Variants in TMC2 observed in about 807,000 individuals in gnomAD.
TMC2 encodes transmembrane channel like 2.
Under a neutral mutation model 105.9 loss-of-function variants are expected in TMC2, and 102 were observed. That is an observed-to-expected ratio of 0.96 (90% CI 0.82 to 1.14). TMC2 has a LOEUF of 1.14. Ranked by LOEUF, TMC2 falls within the 50% of genes most tolerant of loss-of-function variation. The probability of loss-of-function intolerance (pLI) is 0.00; values close to 1 mark genes in which losing one functional copy is unlikely to be tolerated. For missense variants in TMC2, 1,093 were observed against 1,134.3 expected (o/e 0.96, Z 0.52); for synonymous variants, 402 against 422.8 (o/e 0.95, Z 0.60).
At chr20:2,556,361 G>T (rs1291511055) in intron 2 of TMC2, among the ~76,000 whole-genome samples, 1 of 152,220 alleles carries the variant, frequency 6.6e-6, no homozygotes, top group South Asian at 2.1e-4. Context: ...TTACAGGCGT[G>T]AGCCACCAGG....
intron 5 of TMC2, among the ~76,000 whole-genome samples, chr20:2,574,821 G>A (rs537835321): frequency 6.6e-6 from 1 of 152,106 alleles, no homozygotes; most frequent in Admixed American, 6.5e-5. Flanking sequence ...TGCCTCCCAG[G>A]TTCAAGCAAT....
rs770234969 is a variant in TMC2, at chr20:2,580,004, G to C, written c.782G>C (p.Gly261Ala). 6.2e-7 allele frequency: 1 copy of C among 1,613,996 alleles called. No homozygotes were observed. The highest frequency in any genetic ancestry group is 1.1e-5 in the South Asian group (1 of 91,066). ...TTCATCTTTCTCCGATGGATGTATG[G>C]AGTTAACCTTGTCCTTTTTGGCTTA... is the stretch of plus-strand genomic sequence containing the variant. ...SYFIFLRWMYGVNLVLFGLIF... is the reference protein window; with the variant it reads ...SYFIFLRWMYAVNLVLFGLIF... The change falls in exon 7 of 20, where the codon GGA becomes GCA. Residue 261 changes from glycine to alanine, a missense_variant. By Grantham distance (60) the Gly-to-Ala change is moderately conservative. Coordinates refer to ENST00000358864, the MANE Select transcript of TMC2 (RefSeq NM_080751.3).
At chr20:2,568,457 C>A (rs1207749558) in intron 4 of TMC2, among the ~76,000 whole-genome samples, 2 of 152,164 alleles carry the variant, frequency 1.3e-5, no homozygotes, top group Admixed American at 1.3e-4. Context: ...GTCCCCTGTT[C>A]TCTTGGGGGT....
chr20:2,606,098 T>C (rs1235350369), intron 11 of TMC2, among the ~76,000 whole-genome samples: 1 of 152,150 alleles, frequency 6.6e-6, no homozygotes, highest in African/African-American at 2.4e-5. Context: ...AAGTCAAAGG[T>C]TACCTGGTAT....
chr20:2,630,191 G>T (rs2086593758), intron 17 of TMC2, among the ~76,000 whole-genome samples: 1 of 152,176 alleles, frequency 6.6e-6, no homozygotes, highest in Non-Finnish European at 1.5e-5. Context: ...TCAAGGCTCA[G>T]GAAAAGGAGT....
At chr20:2,635,086 C>T (rs2086631860) in intron 17 of TMC2, among the ~76,000 whole-genome samples, 2 of 152,208 alleles carry the variant, frequency 1.3e-5, no homozygotes, top group Admixed American at 1.3e-4. Flanking sequence ...AGATAATAGG[C>T]TGGCAAAGCA....
At chr20:2,565,960 AC>A (rs1358192194) in intron 4 of TMC2, among the ~76,000 whole-genome samples, 2 of 152,090 alleles carry the variant, frequency 1.3e-5, no homozygotes, top group Admixed American at 1.3e-4. Context: ...AATTTTTTGA[AC>A]CAGGAAGTGG....
rs2085851876 is a variant in TMC2 at position 2,536,735 on chromosome 20, T to C, written c.34+80T>C. Reference sequence around the variant, plus strand: ...CAGGGGATGGGGGAAGCACATATGGTGTTCAGAGGCATAGGGAGGAGCTGG... The same window carrying C: ...CAGGGGATGGGGGAAGCACATATGGCGTTCAGAGGCATAGGGAGGAGCTGG... On this transcript the variant is annotated intron_variant, in intron 1 of 19. Coordinates refer to ENST00000358864, the MANE Select transcript of TMC2 (RefSeq NM_080751.3). 4 of 1,461,766 alleles carry C rather than the reference T, an allele frequency of 2.7e-6. No homozygotes were observed. The African/African-American group carries it at 4.2e-5, about 15-fold the overall frequency. 90.5% of individuals were successfully genotyped at this position (1,461,766 alleles called of 1,614,324 possible).
intron 2 of TMC2, among the ~76,000 whole-genome samples, chr20:2,557,080 C>T (rs147889158): frequency 6.6e-6 from 1 of 152,070 alleles, no homozygotes; most frequent in Non-Finnish European, 1.5e-5. Context: ...ATTTATCCTG[C>T]TTGATGTTCT....
At chr20:2,594,446 T>C (rs1340623305) in intron 8 of TMC2, among the ~76,000 whole-genome samples, 1 of 152,120 alleles carries the variant, frequency 6.6e-6, no homozygotes, top group Non-Finnish European at 1.5e-5. Context: ...CAGGTTGGTC[T>C]TGAACCCCTG....
chr20:2,552,650 G>A (rs1360293671), intron 2 of TMC2, among the ~76,000 whole-genome samples: 1 of 152,014 alleles, frequency 6.6e-6, no homozygotes, highest in African/African-American at 2.4e-5. Flanking sequence ...GACGTAGCTG[G>A]GAATACAGAC....
At chr20:2,569,996 G>A (rs1702794311) in intron 4 of TMC2, among the ~76,000 whole-genome samples, 1 of 152,120 alleles carries the variant, frequency 6.6e-6, no homozygotes, top group African/African-American at 2.4e-5. Context: ...AATAATAAAA[G>A]TTATCTATGA....
intron 16 of TMC2, among the ~76,000 whole-genome samples, chr20:2,618,863 GAGGTAACACCTGTA>G (rs546401284): frequency 4.6e-5 from 7 of 152,308 alleles, no homozygotes; most frequent in Admixed American, 2.6e-4. Context: ...ATCATGCAAT[GAGGTAACACCTGTA>G]AGCTAGTGTC....
At chr20:2,613,390 A>T in intron 14 of TMC2, 68 bp downstream of exon 14, 1 of 1,602,766 alleles carries the variant, frequency 6.2e-7, no homozygotes, top group Non-Finnish European at 8.5e-7. Flanking sequence ...ACTTATAGCC[A>T]GATGCATTCT....
intron 2 of TMC2, among the ~76,000 whole-genome samples, chr20:2,545,974 C>T (rs2122802021): frequency 6.6e-6 from 1 of 152,202 alleles, no homozygotes; most frequent in African/African-American, 2.4e-5. Context: ...TAATGTCTTA[C>T]TTGTAAGATC....
intron 2 of TMC2, among the ~76,000 whole-genome samples, chr20:2,550,694 A>G (rs1033977119): frequency 6.6e-6 from 1 of 152,162 alleles, no homozygotes; most frequent in Non-Finnish European, 1.5e-5. Context: ...CGCTGTCTCT[A>G]GAGTGTCTCT....
At chr20:2,543,082 C>CA (rs1176456975) in intron 2 of TMC2, among the ~76,000 whole-genome samples, 1 of 151,604 alleles carries the variant, frequency 6.6e-6, no homozygotes, top group African/African-American at 2.4e-5. Flanking sequence ...ACTAAAAATA[C>CA]AAAAATTAGT....
At position 2,643,252 on chromosome 20, in the gene TMC2, T is replaced by G. The variant is rs974407327; in HGVS notation, c.*1901T>G. Among the ~76,000 whole-genome samples the G allele has an allele frequency of 1.3e-5, 2 of 152,116 alleles. No individual in the cohort carries two copies. The highest frequency in any genetic ancestry group is 6.5e-5 in the Admixed American group (1 of 15,272). On this transcript the variant is annotated 3_prime_UTR_variant, in exon 20 of 20. Transcript: ENST00000358864. ...CAAGCTAACCTACCTGAAACCTCAGTACAGGGATCCTGGCACTGTAACCCA... is the reference window on the plus strand; with the variant it reads ...CAAGCTAACCTACCTGAAACCTCAGGACAGGGATCCTGGCACTGTAACCCA...
intron 11 of TMC2, among the ~76,000 whole-genome samples, chr20:2,603,856 G>T (rs191426736): frequency 1.7e-3 from 258 of 152,316 alleles, no homozygotes; most frequent in African/African-American, 5.9e-3. Context: ...CTTAGCCTAT[G>T]TTGTGTTAAT....
Sources: allele counts gnomAD v4.1 joint callset (sites outside exome capture counted in the v4.1 genomes callset), GRCh38; gene constraint gnomAD v4.1.1; transcripts MANE v1.5; gene names NCBI Gene and HGNC (gene_info 2026-07-23, HGNC 2026-07-21).